The following SLC35F2 variants were observed in gnomAD, a reference collection of about 807,000 sequenced individuals.
SLC35F2 encodes the protein solute carrier family 35 member F2, also known as queuine/queuosine transporter SLC35F2.
In SLC35F2, 25 loss-of-function variants were observed where a neutral mutation model predicts 38.1. The observed-to-expected ratio is 0.66, with a 90% CI of 0.48 to 0.92. The LOEUF is 0.92. SLC35F2 is among the 40% of genes least tolerant of loss of function. SLC35F2 has a pLI of 0.00. For synonymous variants in SLC35F2, 173 were observed against 181.7 expected, an observed-to-expected ratio of 0.95 and a Z score of 0.38; for missense variants, 409 against 452.9, an observed-to-expected ratio of 0.90 and a Z score of 0.88.
chr11:107,818,382 G>T (rs1842798877), intron 1 of SLC35F2, among the ~76,000 whole-genome samples: 1 of 151,900 alleles, frequency 6.6e-6, no homozygotes, highest in Non-Finnish European at 1.5e-5. Context: ...AGTGAGCTGA[G>T]ATCATACCAC....
At chr11:107,801,059 C>T (rs1225739060) in intron 7 of SLC35F2, among the ~76,000 whole-genome samples, 1 of 152,084 alleles carries the variant, frequency 6.6e-6, no homozygotes, top group Non-Finnish European at 1.5e-5. Flanking sequence ...CATGTGCCAC[C>T]ACACCCTGCT....
intron 7 of SLC35F2, among the ~76,000 whole-genome samples, chr11:107,798,149 G>A (rs145011373): frequency 3.7e-4 from 57 of 152,084 alleles, no homozygotes; most frequent in African/African-American, 1.3e-3. Flanking sequence ...GATTACAGGT[G>A]CCCGCCATCA....
chr11:107,833,796 G>C (rs1859888357), intron 1 of SLC35F2, among the ~76,000 whole-genome samples: 1 of 152,190 alleles, frequency 6.6e-6, no homozygotes, highest in African/African-American at 2.4e-5. Context: ...GAAGGGGCTT[G>C]ATTAACTTTT....
chr11:107,854,940 C>G (rs955252260), intron 1 of SLC35F2, among the ~76,000 whole-genome samples: 1 of 152,184 alleles, frequency 6.6e-6, no homozygotes, highest in African/African-American at 2.4e-5. Flanking sequence ...CTCTCCCACC[C>G]TTGGTTCCCT....
chr11:107,798,970 G>C (rs1487934824), intron 7 of SLC35F2, among the ~76,000 whole-genome samples: 1 of 152,148 alleles, frequency 6.6e-6, no homozygotes, highest in Non-Finnish European at 1.5e-5. Flanking sequence ...CAGCTACTCA[G>C]GAGGCTGAAG....
At chr11:107,820,536 G>A (rs140163595) in intron 1 of SLC35F2, among the ~76,000 whole-genome samples, 8 of 152,168 alleles carry the variant, frequency 5.3e-5, no homozygotes, top group African/African-American at 1.9e-4. Context: ...GATAACAGGT[G>A]GGTCATCCCT....
chr11:107,843,868 AATATATATATATAT>A (rs1178673709), intron 1 of SLC35F2, among the ~76,000 whole-genome samples: 906 of 46,656 alleles, frequency 0.019, 27 homozygotes, highest in African/African-American at 0.037. Flanking sequence ...AAAAAAAAAA[AATATATATATATAT>A]ATATATATAT....
chr11:107,831,606 G>A (rs911559492), intron 1 of SLC35F2, among the ~76,000 whole-genome samples: 2 of 152,148 alleles, frequency 1.3e-5, no homozygotes, highest in African/African-American at 4.8e-5. Context: ...CTTTGCCCTT[G>A]TTCTAGATAC....
At chr11:107,853,965 C>G (rs1860235769) in intron 1 of SLC35F2, among the ~76,000 whole-genome samples, 1 of 151,998 alleles carries the variant, frequency 6.6e-6, no homozygotes, top group South Asian at 2.1e-4. Context: ...TGCCTGTGAT[C>G]CCAAATTTTA....
chr11:107,804,588 G>T, intron 6 of SLC35F2, 130 bp downstream of exon 6: 1 of 648,964 alleles, frequency 1.5e-6, no homozygotes, highest in Non-Finnish European at 2.6e-6. Context: ...AACCACTATA[G>T]TTGATATGTA....
At chr11:107,833,249 C>T (rs73546851) in intron 1 of SLC35F2, among the ~76,000 whole-genome samples, 4,513 of 152,020 alleles carry the variant, frequency 0.03, 207 homozygotes, top group African/African-American at 0.1. Flanking sequence ...TGGCTGGATG[C>T]GGTGTCTCAC....
intron 1 of SLC35F2, among the ~76,000 whole-genome samples, chr11:107,857,908 A>AC (rs1860319550): frequency 6.6e-6 from 1 of 152,220 alleles, no homozygotes; most frequent in Non-Finnish European, 1.5e-5. Flanking sequence ...ATTGTTATGC[A>AC]CAGTACCTGA....
At chr11:107,816,101 T>G in intron 1 of SLC35F2, 136 bp from the exon 2 acceptor site, 1 of 1,330,768 alleles carries the variant, frequency 7.5e-7, no homozygotes, top group Non-Finnish European at 9.6e-7. Flanking sequence ...GTTCTTCATT[T>G]CATGAAATAA....
At chr11:107,796,415 A>G (rs1165570027) in intron 7 of SLC35F2, among the ~76,000 whole-genome samples, 1 of 152,220 alleles carries the variant, frequency 6.6e-6, no homozygotes, top group Non-Finnish European at 1.5e-5. Flanking sequence ...CGAAAATATG[A>G]TATATAAACA....
intron 1 of SLC35F2, among the ~76,000 whole-genome samples, chr11:107,826,022 A>G (rs951853026): frequency 6.6e-6 from 1 of 152,172 alleles, no homozygotes; most frequent in Non-Finnish European, 1.5e-5. Flanking sequence ...TTACAAAGCT[A>G]TTCATTACAG....
At chr11:107,799,452 C>T (rs629278) in intron 7 of SLC35F2, among the ~76,000 whole-genome samples, 72,215 of 151,968 alleles carry the variant, frequency 0.48, 17,715 homozygotes, top group Non-Finnish European at 0.52. Flanking sequence ...CTAGTGGTGG[C>T]CAGATGAAAT....
chr11:107,822,009 A>G (rs139802410), intron 1 of SLC35F2, among the ~76,000 whole-genome samples: 8,399 of 152,306 alleles, frequency 0.055, 467 homozygotes, highest in African/African-American at 0.14. Flanking sequence ...AGGCCAAGGC[A>G]GGCGGATCAC....
chr11:107,844,541 G>C (rs1860070853), intron 1 of SLC35F2, among the ~76,000 whole-genome samples: 1 of 150,652 alleles, frequency 6.6e-6, no homozygotes, highest in Admixed American at 6.7e-5. Flanking sequence ...AGAATCGCTT[G>C]AACCCGGGAG....
At position 107,791,730 on chromosome 11, in the gene SLC35F2, G is replaced by C. The variant is rs1334740082; in HGVS notation, c.*885C>G. The C allele has an allele frequency of 6.6e-6, 1 of 152,098 alleles. No individual in the cohort carries two copies. The highest frequency in any genetic ancestry group is 1.5e-5 in the Non-Finnish European group (1 of 68,112). 9.4% of individuals were successfully genotyped at this position (152,098 alleles called of 1,614,324 possible). ...CTCTCTACAAAAACAAACAAAACAG[G>C]CCTGGCACGGTGGCTCAAGCCTGTA... On this transcript the variant is annotated 3_prime_UTR_variant, in exon 8 of 8. Transcript: ENST00000525815.
Sources: allele counts gnomAD v4.1 joint callset (sites outside exome capture counted in the v4.1 genomes callset), GRCh38; gene constraint gnomAD v4.1.1; transcripts MANE v1.5; gene names NCBI Gene and HGNC (gene_info 2026-07-23, HGNC 2026-07-21).